LRRTM4: variants seen among roughly 807,000 people sequenced by gnomAD.
The protein encoded by LRRTM4 is leucine-rich repeat transmembrane neuronal protein 4.
A neutral mutation model predicts 47.6 loss-of-function variants in LRRTM4; 25 were observed. The ratio of observed to expected loss-of-function variants is 0.53; its 90% CI spans 0.38 to 0.73. The LOEUF is 0.73. Among genes scored for constraint, LRRTM4 ranks in the 30% least tolerant of loss-of-function variants. The pLI, the probability that LRRTM4 is intolerant of heterozygous loss-of-function variation, is 0.00. For synonymous variants in LRRTM4, 311 were observed against 269.5 expected (o/e 1.15, Z -1.51); for missense variants, 638 against 713.4 (o/e 0.89, Z 1.20).
intron 3 of LRRTM4, among the ~76,000 whole-genome samples, chr2:77,324,653 T>C (rs1394352893): frequency 6.6e-6 from 1 of 152,166 alleles, no homozygotes; most frequent in Non-Finnish European, 1.5e-5. Flanking sequence ...ATATGGTTAG[T>C]GAAGTGGCTG....
chr2:77,130,569 T>G (rs1272783951), intron 3 of LRRTM4, among the ~76,000 whole-genome samples: 2 of 151,994 alleles, frequency 1.3e-5, no homozygotes, highest in East Asian at 3.9e-4. Context: ...TGGAGTGCAG[T>G]GGCAGAATCT....
At chr2:76,781,619 A>G (rs979392023) in intron 3 of LRRTM4, among the ~76,000 whole-genome samples, 2 of 152,232 alleles carry the variant, frequency 1.3e-5, no homozygotes, top group South Asian at 4.1e-4. Flanking sequence ...CGGCTCGCGC[A>G]TGGTGCGCGC....
intron 3 of LRRTM4, among the ~76,000 whole-genome samples, chr2:76,994,677 A>C (rs974790369): frequency 6.6e-6 from 1 of 152,022 alleles, no homozygotes; most frequent in Non-Finnish European, 1.5e-5. Flanking sequence ...GAAATATCAA[A>C]ATTAACAGAA....
chr2:77,276,016 T>G (rs998220299), intron 3 of LRRTM4, among the ~76,000 whole-genome samples: 9 of 152,102 alleles, frequency 5.9e-5, no homozygotes, highest in African/African-American at 1.9e-4. Context: ...GGGAAACACA[T>G]AATCATTGAG....
chr2:76,925,810 T>C (rs61538333), intron 3 of LRRTM4, among the ~76,000 whole-genome samples: 9,572 of 152,192 alleles, frequency 0.063, 730 homozygotes, highest in African/African-American at 0.17. Context: ...GGAATACATA[T>C]GTCATAATAT....
intron 3 of LRRTM4, among the ~76,000 whole-genome samples, chr2:77,159,282 G>A (rs540383985): frequency 1.3e-5 from 2 of 152,106 alleles, no homozygotes; most frequent in South Asian, 4.1e-4. Flanking sequence ...GAGATAAACA[G>A]TCAGTTGATG....
rs527667104 is a variant in LRRTM4, at chr2:76,819,200, T to C, written c.1552-70284A>G. 5.3e-5 allele frequency among the ~76,000 whole-genome samples: 8 copies of C among 151,928 alleles called. 1 individual carries two copies. The South Asian group carries it at 1.7e-3, about 31-fold the overall frequency. ...CAATCATAATAGCAGTCAGTATTTATTGCCATGTTATTATGTGCCTTATAT... is the reference window on the plus strand; with the variant it reads ...CAATCATAATAGCAGTCAGTATTTACTGCCATGTTATTATGTGCCTTATAT... On this transcript the variant is annotated intron_variant, in intron 3 of 3. Coordinates refer to ENST00000409884, the MANE Select transcript of LRRTM4 (RefSeq NM_001134745.3).
intron 3 of LRRTM4, among the ~76,000 whole-genome samples, chr2:77,085,726 A>G (rs903187092): frequency 4.7e-4 from 72 of 152,178 alleles, no homozygotes; most frequent in African/African-American, 1.7e-3. Flanking sequence ...GTGGTGTCAT[A>G]TTCTATGTCT....
At chr2:77,457,586 T>C (rs888716343) in intron 3 of LRRTM4, among the ~76,000 whole-genome samples, 16 of 150,772 alleles carry the variant, frequency 1.1e-4, no homozygotes, top group Non-Finnish European at 1.5e-5. Context: ...AGTTATCCAC[T>C]GCCATTTACA....
chr2:76,877,410 T>C (rs1241926953), intron 3 of LRRTM4, among the ~76,000 whole-genome samples: 1 of 152,054 alleles, frequency 6.6e-6, no homozygotes, highest in Non-Finnish European at 1.5e-5. Context: ...ACTATTTTGC[T>C]TTTATGAACA....
intron 3 of LRRTM4, among the ~76,000 whole-genome samples, chr2:77,390,669 C>G: frequency 6.6e-6 from 1 of 150,794 alleles, no homozygotes; most frequent in Non-Finnish European, 1.5e-5. Context: ...ATCTTTAAAA[C>G]GTTAAATAAT....
intron 3 of LRRTM4, among the ~76,000 whole-genome samples, chr2:77,376,864 C>T (rs1220703739): frequency 1.3e-5 from 2 of 151,800 alleles, no homozygotes; most frequent in African/African-American, 4.8e-5. Context: ...TAAGCACATC[C>T]CATACTCAAG....
intron 3 of LRRTM4, among the ~76,000 whole-genome samples, chr2:77,063,848 T>C (rs1323467690): frequency 6.6e-6 from 1 of 152,090 alleles, no homozygotes; most frequent in African/African-American, 2.4e-5. Context: ...CCCCATCCCA[T>C]CAATTGAGCA....
intron 3 of LRRTM4, among the ~76,000 whole-genome samples, chr2:77,131,094 A>G (rs1038762595): frequency 2.6e-5 from 4 of 151,716 alleles, no homozygotes; most frequent in African/African-American, 7.3e-5. Context: ...TCGGCCTCCC[A>G]AAGTGCTGGG....
intron 3 of LRRTM4, among the ~76,000 whole-genome samples, chr2:77,062,404 A>T (rs1679815664): frequency 1.3e-5 from 2 of 152,200 alleles, no homozygotes; most frequent in Non-Finnish European, 2.9e-5. Context: ...GAAAATGATA[A>T]AACTCCAGAG....
At chr2:77,165,747 C>CA (rs1319504396) in intron 3 of LRRTM4, among the ~76,000 whole-genome samples, 3 of 152,134 alleles carry the variant, frequency 2.0e-5, no homozygotes, top group African/African-American at 7.2e-5. Context: ...AGGCCTTCAA[C>CA]AAAATTCAAC....
intron 3 of LRRTM4, among the ~76,000 whole-genome samples, chr2:76,897,568 A>G (rs1673465179): frequency 6.6e-6 from 1 of 152,190 alleles, no homozygotes; most frequent in Non-Finnish European, 1.5e-5. Flanking sequence ...AGAGAAAAGG[A>G]GTAAGAAGGA....
chr2:77,113,258 G>T lies in LRRTM4; in HGVS notation c.1552-364342C>A, dbSNP rs370088948. On this transcript the variant is annotated intron_variant, in intron 3 of 3. Transcript: ENST00000409884. ...TACGGAATTGTAAATGCTGAGATGG[G>T]GTTAGAACAGCTTTTGCCAAAAGGT... 2.0e-5 allele frequency among the ~76,000 whole-genome samples: 3 copies of T among 152,018 alleles called. No individual in the cohort carries two copies. The East Asian group carries it at 5.8e-4, about 30-fold the overall frequency.
intron 3 of LRRTM4, among the ~76,000 whole-genome samples, chr2:77,502,170 T>A (rs1219164594): frequency 1.3e-5 from 2 of 151,480 alleles, no homozygotes; most frequent in Non-Finnish European, 3.0e-5. Flanking sequence ...TATAAACATG[T>A]TCACAAGAGA....
Sources: allele counts gnomAD v4.1 joint callset (sites outside exome capture counted in the v4.1 genomes callset), GRCh38; gene constraint gnomAD v4.1.1; transcripts MANE v1.5; gene names NCBI Gene and HGNC (gene_info 2026-07-23, HGNC 2026-07-21).